Variants in PRKACB observed in about 807,000 individuals in gnomAD.
PRKACB encodes the protein cAMP-dependent protein kinase catalytic subunit beta.
Under a neutral mutation model 51.4 loss-of-function variants are expected in PRKACB, and 16 were observed. The ratio of observed to expected loss-of-function variants is 0.31; its 90% CI spans 0.21 to 0.47. The LOEUF (loss-of-function observed/expected upper bound fraction) is 0.47, where lower values mean the gene tolerates loss of function less well. Ranked by LOEUF, PRKACB falls within the 20% of genes least tolerant of loss-of-function variation. The pLI, the probability that PRKACB is intolerant of heterozygous loss-of-function variation, is 1.00. For missense variants in PRKACB, 309 were observed against 464.5 expected, an observed-to-expected ratio of 0.67 and a Z score of 3.08; for synonymous variants, 147 against 154.4, an observed-to-expected ratio of 0.95 and a Z score of 0.35.
chr1:84,122,590 A>C (rs1651172926), intron 1 of PRKACB, among the ~76,000 whole-genome samples: 1 of 152,180 alleles, frequency 6.6e-6, no homozygotes, highest in Admixed American at 6.6e-5. Flanking sequence ...ATTTTATAAA[A>C]GATTTTACCT....
intron 1 of PRKACB, among the ~76,000 whole-genome samples, chr1:84,107,340 A>G (rs1649837455): frequency 6.6e-6 from 1 of 152,106 alleles, no homozygotes; most frequent in South Asian, 2.1e-4. Context: ...TCAACCCAAA[A>G]TGAATTAAAG....
chr1:84,212,043 G>A (rs1300390454), intron 8 of PRKACB, among the ~76,000 whole-genome samples: 1 of 152,084 alleles, frequency 6.6e-6, no homozygotes, highest in Non-Finnish European at 1.5e-5. Context: ...GTTGTTGATA[G>A]AATATTAGTT....
intron 1 of PRKACB, among the ~76,000 whole-genome samples, chr1:84,174,443 A>G (rs1660567519): frequency 6.6e-6 from 1 of 151,868 alleles, no homozygotes; most frequent in Admixed American, 6.6e-5. Context: ...GTCCCATTCC[A>G]TTATGATGAT....
chr1:84,120,642 A>G (rs1030265914), intron 1 of PRKACB, among the ~76,000 whole-genome samples: 1 of 152,126 alleles, frequency 6.6e-6, no homozygotes, highest in African/African-American at 2.4e-5. Flanking sequence ...TCATATGTTT[A>G]CAAGAGTGAT....
At chr1:84,126,119 T>C (rs1183131197) in intron 1 of PRKACB, among the ~76,000 whole-genome samples, 2 of 151,636 alleles carry the variant, frequency 1.3e-5, no homozygotes, top group Non-Finnish European at 2.9e-5. Context: ...ACCTCCGGAG[T>C]CCTAGAGGGC....
chr1:84,178,993 G>T, intron 1 of PRKACB, 184 bp from the exon 2 acceptor site: 1 of 563,522 alleles, frequency 1.8e-6, no homozygotes, highest in South Asian at 4.1e-5. Context: ...GAATCTTAGA[G>T]ATTTGAGAAG....
At chr1:84,221,197 TTATC>T (rs1673650427) in intron 9 of PRKACB, among the ~76,000 whole-genome samples, 2 of 152,090 alleles carry the variant, frequency 1.3e-5, no homozygotes, top group Admixed American at 1.3e-4. Context: ...GTCCAAGAAT[TTATC>T]TATTTCCTCT....
chr1:84,078,086 C>G (rs933477709), upstream of PRKACB: 1 of 398,590 alleles, frequency 2.5e-6, no homozygotes, highest in African/African-American at 2.1e-5. Flanking sequence ...GCCACTGCTG[C>G]TGCCACCGCC....
At chr1:84,142,571 G>C (rs1267598184), upstream of PRKACB, among the ~76,000 whole-genome samples, 1 of 152,126 alleles carries the variant, frequency 6.6e-6, no homozygotes, top group Non-Finnish European at 1.5e-5. Context: ...TATAGATGCT[G>C]TTGCATATTT....
intron 1 of PRKACB, among the ~76,000 whole-genome samples, chr1:84,150,733 C>T (rs901157825): frequency 2.6e-5 from 4 of 152,114 alleles, no homozygotes; most frequent in African/African-American, 7.2e-5. Context: ...CAGATGTTGG[C>T]AGTATGCTTC....
chr1:84,124,892 A>G (rs1271389006), intron 1 of PRKACB, among the ~76,000 whole-genome samples: 3 of 152,204 alleles, frequency 2.0e-5, no homozygotes, highest in Non-Finnish European at 2.9e-5. Flanking sequence ...AAAGGGAGAC[A>G]GTGCCCACAT....
At chr1:84,110,064 G>GTA (rs1650091846) in intron 1 of PRKACB, among the ~76,000 whole-genome samples, 1 of 151,728 alleles carries the variant, frequency 6.6e-6, no homozygotes, top group South Asian at 2.1e-4. Flanking sequence ...ATGTGTATGT[G>GTA]TGCATATATA....
chr1:84,112,536 C>T (rs114683317), intron 1 of PRKACB, among the ~76,000 whole-genome samples: 1,744 of 152,186 alleles, frequency 0.011, 41 homozygotes, highest in African/African-American at 0.04. Flanking sequence ...CATACCTGGC[C>T]GTACTTTTTA....
At chr1:84,230,964 A>C (rs1239669231) in intron 9 of PRKACB, among the ~76,000 whole-genome samples, 130 of 136,268 alleles carry the variant, frequency 9.5e-4, no homozygotes, top group East Asian at 3.3e-3. Context: ...TTCCAACACT[A>C]TGTTGAATAG....
intron 8 of PRKACB, chr1:84,204,521 A>C (rs1270957885): frequency 1.2e-6 from 2 of 1,603,834 alleles, no homozygotes; most frequent in Non-Finnish European, 1.7e-6. Flanking sequence ...GAGAAAAATT[A>C]ACAGACAAGG....
intron 1 of PRKACB, among the ~76,000 whole-genome samples, chr1:84,158,534 A>G (rs534070423): frequency 2.7e-5 from 4 of 150,834 alleles, no homozygotes; most frequent in Admixed American, 2.6e-4. Context: ...TCTTCTTATT[A>G]TCAATTCTCA....
intron 1 of PRKACB, among the ~76,000 whole-genome samples, chr1:84,128,701 G>A (rs1651881097): frequency 6.6e-6 from 1 of 152,166 alleles, no homozygotes; most frequent in African/African-American, 2.4e-5. Flanking sequence ...AGTCAGGGAA[G>A]TTATTAATGA....
In PRKACB at chr1:84,110,086, A is replaced by C. The variant is rs188941484; in HGVS notation, c.46+31715A>C. ...TGTGTGCATATATACATGTATGTCTATTCAGATTTTCCCATAAAAACATGA... is the reference window on the plus strand; with the variant it reads ...TGTGTGCATATATACATGTATGTCTCTTCAGATTTTCCCATAAAAACATGA... On this transcript the variant is annotated intron_variant, in intron 1 of 8. Coordinates refer to the PRKACB transcript ENST00000370688. Among the ~76,000 whole-genome samples, 4 of 152,010 alleles carry C rather than the reference A, an allele frequency of 2.6e-5. No homozygotes were observed. The East Asian group carries it at 5.8e-4, about 22-fold the overall frequency.
At chr1:84,137,555 A>G (rs565764313) in intron 1 of PRKACB, among the ~76,000 whole-genome samples, 43 of 152,326 alleles carry the variant, frequency 2.8e-4, no homozygotes, top group African/African-American at 9.9e-4. Context: ...GGAATGCAGG[A>G]GGTGAAAAAA....
Sources: gnomAD v4.1 joint callset for allele counts (sites outside exome capture counted in the v4.1 genomes callset) on GRCh38, gnomAD v4.1.1 for gene constraint, MANE v1.5 for transcripts, NCBI Gene and HGNC (gene_info 2026-07-23, HGNC 2026-07-21) for gene names.